The following DCAF6 variants were observed in gnomAD, a reference collection of about 807,000 sequenced individuals.
The protein encoded by DCAF6 is DDB1 and CUL4 associated factor 6.
A neutral mutation model predicts 125.1 loss-of-function variants in DCAF6; 54 were observed. The observed-to-expected ratio is 0.43, with a 90% confidence interval of 0.35 to 0.54. DCAF6 has a LOEUF of 0.54. Ranked by LOEUF, DCAF6 falls within the 20% of genes least tolerant of loss-of-function variation. The pLI, the probability that DCAF6 is intolerant of heterozygous loss-of-function variation, is 0.01. For missense variants in DCAF6, 934 were observed against 1,161.7 expected (o/e 0.80, Z 2.85); for synonymous variants, 371 against 390.4 (o/e 0.95, Z 0.58).
At chr1:167,943,517 A>AT (rs1571582924) in intron 1 of DCAF6, among the ~76,000 whole-genome samples, 2 of 152,008 alleles carry the variant, frequency 1.3e-5, no homozygotes, top group African/African-American at 4.8e-5. Context: ...ATTTTTATTT[A>AT]TTTTTACTTT....
At chr1:167,875,037 A>G in the DCAF6 span, 1 of 1,030,210 alleles carries the variant, frequency 9.7e-7, no homozygotes, top group Non-Finnish European at 1.5e-6. Flanking sequence ...ATTTTGTGAT[A>G]ATTCATTAAG....
chr1:167,976,458 T>C (rs1678188514), intron 4 of DCAF6, among the ~76,000 whole-genome samples: 1 of 152,182 alleles, frequency 6.6e-6, no homozygotes, highest in Admixed American at 6.5e-5. Flanking sequence ...GGCGACAGAG[T>C]GAGACTGTGT....
At chr1:168,043,166 T>A (rs1387847085) in intron 14 of DCAF6, 26 bp downstream of exon 14, 3 of 1,546,372 alleles carry the variant, frequency 1.9e-6, no homozygotes, top group South Asian at 2.3e-5. Context: ...GCTTTTGTTG[T>A]TATAAAATTG....
At chr1:167,889,324 G>A in the DCAF6 span, among the ~76,000 whole-genome samples, 1 of 152,140 alleles carries the variant, frequency 6.6e-6, no homozygotes, top group African/African-American at 2.4e-5. Flanking sequence ...AGCATCAACT[G>A]AAATGATAAT....
At chr1:167,876,257 C>CAA in the DCAF6 span, among the ~76,000 whole-genome samples, 18,055 of 84,794 alleles carry the variant, frequency 0.21, 1,513 homozygotes, top group Middle Eastern at 0.33. Flanking sequence ...AGCTCCATCT[C>CAA]AAAAAAAAAA....
chr1:167,900,215 A>G, the DCAF6 span, among the ~76,000 whole-genome samples: 31 of 152,246 alleles, frequency 2.0e-4, no homozygotes, highest in African/African-American at 7.2e-4. Context: ...TAAGTGACAC[A>G]CATTTCTTTC....
chr1:167,915,961 T>C, the DCAF6 span, among the ~76,000 whole-genome samples: 71 of 152,272 alleles, frequency 4.7e-4, no homozygotes, highest in Non-Finnish European at 9.9e-4. Context: ...CTGTCAGACT[T>C]GGCATTGAGA....
the DCAF6 span, among the ~76,000 whole-genome samples, chr1:167,920,375 T>C: frequency 1.3e-5 from 2 of 152,216 alleles, no homozygotes; most frequent in Non-Finnish European, 2.9e-5. Context: ...CAGATACTTA[T>C]TCTTTCTGTG....
chr1:167,993,801 C>T (rs1344568032), intron 7 of DCAF6, among the ~76,000 whole-genome samples: 1 of 151,086 alleles, frequency 6.6e-6, no homozygotes, highest in Non-Finnish European at 1.5e-5. Flanking sequence ...GTCCTTTATT[C>T]AATTCAGAAA....
At chr1:167,912,799 T>G in the DCAF6 span, among the ~76,000 whole-genome samples, 2 of 152,252 alleles carry the variant, frequency 1.3e-5, no homozygotes, top group Non-Finnish European at 2.9e-5. Context: ...ATCGGAGCCG[T>G]ATCAATTCTA....
intron 19 of DCAF6, 73 bp downstream of exon 19, chr1:168,065,819 T>C (rs1034169225): frequency 1.5e-6 from 2 of 1,375,946 alleles, no homozygotes. Context: ...ATTATTCTTT[T>C]TTAATTGTTA....
At chr1:167,955,079 G>A (rs934245031) in intron 2 of DCAF6, among the ~76,000 whole-genome samples, 18 of 151,968 alleles carry the variant, frequency 1.2e-4, no homozygotes, top group Non-Finnish European at 2.4e-4. Flanking sequence ...TAATTATTTT[G>A]GGATTCATGT....
chr1:167,955,901 A>G (rs757173112), intron 2 of DCAF6, among the ~76,000 whole-genome samples: 5 of 152,072 alleles, frequency 3.3e-5, no homozygotes, highest in South Asian at 2.1e-4. Context: ...AGCTGGGACC[A>G]TAGGTGCATG....
upstream of DCAF6, among the ~76,000 whole-genome samples, chr1:167,933,844 T>C (rs1670984491): frequency 6.6e-6 from 1 of 152,264 alleles, no homozygotes; most frequent in East Asian, 1.9e-4. Context: ...TTACTCTGTA[T>C]GTTGCTCAAA....
chr1:167,928,540 G>A, the DCAF6 span, among the ~76,000 whole-genome samples: 1 of 152,108 alleles, frequency 6.6e-6, no homozygotes, highest in East Asian at 1.9e-4. Flanking sequence ...AGTGGATATG[G>A]TAGCGAAAAA....
At chr1:168,038,721 C>A (rs1255104607) in intron 13 of DCAF6, among the ~76,000 whole-genome samples, 1 of 151,948 alleles carries the variant, frequency 6.6e-6, no homozygotes, top group South Asian at 2.1e-4. Flanking sequence ...TAAAAACTTT[C>A]CAGATGATGC....
At position 168,065,603 on chromosome 1, in the gene DCAF6, A is replaced by G. The variant is rs778036796; in HGVS notation, c.2453A>G (p.Asn818Ser). 1.0e-5 allele frequency: 16 copies of G among 1,598,572 alleles called. No homozygotes were observed. Among genetic ancestry groups the G allele is most frequent in the East Asian group, 4.5e-5 (2 of 44,398 alleles). ...TTTAACCCTTAGATAAAAGAAGCCAATTTCTGGGGTGCTAACTTTGTAATG... is the reference window on the plus strand; with the variant it reads ...TTTAACCCTTAGATAAAAGAAGCCAGTTTCTGGGGTGCTAACTTTGTAATG... The part of the protein sequence containing the change: ...RNSRTMIKEA[N>S]FWGANFVMSG... The change falls in exon 19 of 22, where the codon AAT becomes AGT. Residue 818 changes from asparagine (N) to serine (S), a missense_variant. Around this residue, in one of 5 missense-constraint regions of DCAF6, gnomAD observed 559 missense variants for 635.5 expected, o/e 0.88. Transcript: ENST00000367840.
the DCAF6 span, among the ~76,000 whole-genome samples, chr1:167,925,483 A>G: frequency 0.016 from 2,178 of 136,842 alleles, 28 homozygotes; most frequent in Non-Finnish European, 0.025. Context: ...ATACATATAC[A>G]TATACACACA....
chr1:167,910,544 T>C, the DCAF6 span, among the ~76,000 whole-genome samples: 4 of 152,292 alleles, frequency 2.6e-5, no homozygotes, highest in South Asian at 8.3e-4. Flanking sequence ...AAGAACAACT[T>C]CCCTACCTTC....
Sources: allele counts gnomAD v4.1 joint callset (sites outside exome capture counted in the v4.1 genomes callset), GRCh38; gene constraint gnomAD v4.1.1; regional missense constraint gnomAD v4.1.1; transcripts MANE v1.5; gene names NCBI Gene and HGNC (gene_info 2026-07-23, HGNC 2026-07-21).